BASP1: variants seen among roughly 807,000 people sequenced by gnomAD.
BASP1 encodes the protein brain abundant membrane attached signal protein 1.
A neutral mutation model predicts 2.2 loss-of-function variants in BASP1; 1 was observed. That is an observed-to-expected ratio of 0.46 (90% CI 0.16 to 2.17). The LOEUF is 2.17. BASP1 is among the 30% of genes most tolerant of loss of function. BASP1 has a pLI of 0.27. For missense variants in BASP1, 352 were observed against 327.2 expected, an observed-to-expected ratio of 1.08 and a Z score of -0.58; for synonymous variants, 187 against 154.2, an observed-to-expected ratio of 1.21 and a Z score of -1.58.
chr5:17,230,785 C>T (rs895584651), intron 1 of BASP1, among the ~76,000 whole-genome samples: 2 of 152,044 alleles, frequency 1.3e-5, no homozygotes, highest in Non-Finnish European at 2.9e-5. Context: ...CCAGGCTGGT[C>T]TCCAACTCCT....
At chr5:17,249,126 A>T (rs1377547549) in intron 1 of BASP1, among the ~76,000 whole-genome samples, 1 of 151,894 alleles carries the variant, frequency 6.6e-6, no homozygotes. Context: ...AAACTTTTAC[A>T]CTTTCATGGC....
chr5:17,239,831 TG>T (rs1739825237), intron 1 of BASP1, among the ~76,000 whole-genome samples: 1 of 152,234 alleles, frequency 6.6e-6, no homozygotes, highest in Non-Finnish European at 1.5e-5. Context: ...TCCTCTTTGC[TG>T]GTAACCGTTG....
intron 1 of BASP1, among the ~76,000 whole-genome samples, chr5:17,237,322 C>A (rs112382069): frequency 2.6e-5 from 4 of 151,440 alleles, no homozygotes; most frequent in Non-Finnish European, 5.9e-5. Context: ...CCAGCCTGGG[C>A]GACACAGCGA....
intron 1 of BASP1, among the ~76,000 whole-genome samples, chr5:17,261,299 AC>A (rs1684112796): frequency 6.6e-6 from 1 of 152,218 alleles, no homozygotes; most frequent in African/African-American, 2.4e-5. Context: ...GTTGTTTCAC[AC>A]AATAAGACCT....
Position 17,251,812 on chromosome 5 carries a change from G to A in BASP1, c.-9-23396G>A, listed in dbSNP as rs977861718. On this transcript the variant is annotated intron_variant, in intron 1 of 1. Transcript: ENST00000322611. The surrounding 1 kb of genome is among the most constrained non-coding windows in gnomAD (Gnocchi z 4.0). ...AGGGAGCAGAGGAGAAAGAAGGTTC[G>A]GGTAGGTGAGAAAGGTAGTGATGAG... Among the ~76,000 whole-genome samples, 5 of 152,140 alleles carry A rather than the reference G, an allele frequency of 3.3e-5. No homozygotes were observed. The highest frequency in any genetic ancestry group is 9.7e-5 in the African/African-American group (4 of 41,418).
chr5:17,256,803 G>A (rs1740219464), intron 1 of BASP1, among the ~76,000 whole-genome samples: 1 of 152,178 alleles, frequency 6.6e-6, no homozygotes, highest in Non-Finnish European at 1.5e-5. Flanking sequence ...GGCCTTAATT[G>A]CATGCTAAGG....
intron 1 of BASP1, among the ~76,000 whole-genome samples, chr5:17,243,355 C>T (rs1165319153): frequency 1.3e-5 from 2 of 152,066 alleles, no homozygotes; most frequent in Admixed American, 6.5e-5. Flanking sequence ...GGTTTCGCCA[C>T]GTTGGCCAGG....
At chr5:17,227,057 T>C (rs996023879) in intron 1 of BASP1, among the ~76,000 whole-genome samples, 3 of 148,936 alleles carry the variant, frequency 2.0e-5, no homozygotes, top group Non-Finnish European at 4.5e-5. Context: ...GCCTCCCGAG[T>C]AGCTGGGATT....
chr5:17,257,747 AAG>A (rs1277059639), intron 1 of BASP1, among the ~76,000 whole-genome samples: 1 of 152,206 alleles, frequency 6.6e-6, no homozygotes, highest in Non-Finnish European at 1.5e-5. Context: ...CTTGAACTAA[AAG>A]AGGAAAACCT....
rs188048475 is a variant in BASP1 at position 17,238,573 on chromosome 5, T to G, written c.-10+20763T>G. On this transcript the variant is annotated intron_variant, in intron 1 of 1. Coordinates refer to ENST00000322611, the MANE Select transcript of BASP1 (RefSeq NM_006317.5). ...TAAAAATGCTCGCCTGATCCCCAGA[T>G]AGTCTCATCTGAATGTACTGAGGCA... 2.6e-5 allele frequency among the ~76,000 whole-genome samples: 4 copies of G among 152,300 alleles called. No individual in the cohort carries two copies. The East Asian group carries it at 5.8e-4, about 22-fold the overall frequency.
intron 1 of BASP1, among the ~76,000 whole-genome samples, chr5:17,239,468 A>G (rs928827828): frequency 2.0e-5 from 3 of 152,176 alleles, no homozygotes; most frequent in African/African-American, 4.8e-5. Context: ...TCTTGAGGTT[A>G]CTAAACTCAG....
At chr5:17,243,364 G>A (rs896249186) in intron 1 of BASP1, among the ~76,000 whole-genome samples, 12 of 152,140 alleles carry the variant, frequency 7.9e-5, no homozygotes, top group African/African-American at 2.9e-4. Context: ...ACGTTGGCCA[G>A]GCTAGTCTCG....
At chr5:17,245,371 T>G (rs1300158895) in intron 1 of BASP1, among the ~76,000 whole-genome samples, 12 of 151,620 alleles carry the variant, frequency 7.9e-5, no homozygotes, top group Admixed American at 7.9e-4. Context: ...GGCTGTCAAA[T>G]AATTCATATT....
rs1561167411 is a variant in BASP1 at position 17,236,052 on chromosome 5, A to T, written c.-10+18242A>T. ...GACTTTTTTTTTTCTTTTTTAGCTC[A>T]TTAGCTATTGTTAGCGTATTTTATG... On this transcript the variant is annotated intron_variant, in intron 1 of 1. Transcript: ENST00000322611. The surrounding 1 kb of genome is among the most constrained non-coding windows in gnomAD (Gnocchi z 4.0). Among the ~76,000 whole-genome samples, 2 of 151,906 alleles carry T rather than the reference A, an allele frequency of 1.3e-5. No homozygotes were observed. The highest frequency in any genetic ancestry group is 4.8e-5 in the African/African-American group (2 of 41,354).
intron 1 of BASP1, among the ~76,000 whole-genome samples, chr5:17,225,161 C>T (rs1456341945): frequency 6.6e-6 from 1 of 152,202 alleles, no homozygotes; most frequent in Non-Finnish European, 1.5e-5. Context: ...ACTCCTGCTG[C>T]CCCTCTCTTC....
intron 1 of BASP1, among the ~76,000 whole-genome samples, chr5:17,234,470 A>T (rs1233061224): frequency 1.3e-5 from 2 of 152,218 alleles, no homozygotes; most frequent in Non-Finnish European, 1.5e-5. Flanking sequence ...GCATTTGTTC[A>T]TGTAGTTCTC....
intron 1 of BASP1, among the ~76,000 whole-genome samples, chr5:17,271,278 C>G (rs531917089): frequency 6.6e-6 from 1 of 152,144 alleles, no homozygotes; most frequent in Non-Finnish European, 1.5e-5. Flanking sequence ...TGCACCACCA[C>G]GCCTGGCTAA....
rs557570075 is a variant in BASP1, at chr5:17,247,577, G to A, written c.-9-27631G>A. 1.6e-4 allele frequency among the ~76,000 whole-genome samples: 24 copies of A among 152,346 alleles called. No homozygotes were observed. The South Asian group carries it at 5.0e-3, about 32-fold the overall frequency. ...GACTGATCTGAAGTTGTGCCTCTAT[G>A]CACGAATGCTGCTTCTTCAAAAGGT... is the stretch of plus-strand genomic sequence containing the variant. On this transcript the variant is annotated intron_variant, in intron 1 of 1. Coordinates refer to ENST00000322611, the MANE Select transcript of BASP1 (RefSeq NM_006317.5).
rs1740096734 is a variant in BASP1 at position 17,251,225 on chromosome 5, A to G, written c.-9-23983A>G. The stretch of plus-strand genomic sequence containing the variant: ...TTATATGTCAATACAAAACCATTAA[A>G]TATCCCAAATACCCCGATTTTATCA... On this transcript the variant is annotated intron_variant, in intron 1 of 1. Transcript: ENST00000322611. This position sits in a 1 kb window ranked among gnomAD's most constrained non-coding sequence, Gnocchi z 4.0. Among the ~76,000 whole-genome samples, 1 of 152,178 alleles carries G rather than the reference A, an allele frequency of 6.6e-6. No individual in the cohort carries two copies. Among genetic ancestry groups the G allele is most frequent in the African/African-American group, 2.4e-5 (1 of 41,442 alleles).
Sources: gnomAD v4.1 joint callset for allele counts (sites outside exome capture counted in the v4.1 genomes callset) on GRCh38, gnomAD v4.1.1 for gene constraint, Gnocchi (gnomAD v3.1) non-coding constraint, MANE v1.5 for transcripts, NCBI Gene and HGNC (gene_info 2026-07-23, HGNC 2026-07-21) for gene names.